MCUR1: variants seen among roughly 807,000 people sequenced by gnomAD.
MCUR1 encodes mitochondrial calcium uniporter regulator 1, also known as MCU regulator 1.
In MCUR1, 37 loss-of-function variants were observed where a neutral mutation model predicts 42.0. That is an observed-to-expected ratio of 0.88 (90% CI 0.68 to 1.16). The LOEUF is 1.16. Ranked by LOEUF, MCUR1 falls within the 50% of genes most tolerant of loss-of-function variation. The probability of loss-of-function intolerance (pLI) is 0.00; values close to 1 mark genes in which losing one functional copy is unlikely to be tolerated. For missense variants in MCUR1, 469 were observed against 468.4 expected (o/e 1.00, Z -0.01); for synonymous variants, 229 against 196.2 (o/e 1.17, Z -1.40).
At chr6:13,801,110 AG>A (rs1430999641) in intron 4 of MCUR1, among the ~76,000 whole-genome samples, 177 bp downstream of exon 4, 2 of 152,212 alleles carry the variant, frequency 1.3e-5, no homozygotes, top group African/African-American at 4.8e-5. Flanking sequence ...AGCAACTGAG[AG>A]GCATGAGAGA....
chr6:13,790,744 C>T lies in MCUR1; in HGVS notation c.*65G>A. ...CTGGAATTACAGGTGTGAGCCACCG[C>T]ACCCAGCCAACAATCTGGTATTCTT... On this transcript the variant is annotated 3_prime_UTR_variant, in exon 9 of 9. Coordinates refer to ENST00000379170, the MANE Select transcript of MCUR1 (RefSeq NM_001031713.4). The T allele has an allele frequency of 7.5e-7, 1 of 1,326,390 alleles. No homozygotes were observed. Among genetic ancestry groups the T allele is most frequent in the South Asian group, 1.2e-5 (1 of 82,378 alleles). The allele number at this position is 1,326,390 out of a possible 1,614,324, so 82.2% of individuals were successfully genotyped here.
chr6:13,801,322 T>G lies in MCUR1; in HGVS notation c.707A>C (p.Lys236Thr). ...NVKKDMIILE[K>T]SEFSALRAEN... The stretch of plus-strand genomic sequence containing the variant: ...TGCTCTGAGGGCTGAAAATTCACTC[T>G]TCTCCAAAATAATCATATCCTTTTT... The change falls in exon 4 of 9, where the codon AAG (lysine) becomes ACG (threonine). Residue 236 changes from lysine to threonine, a missense_variant. Coordinates refer to ENST00000379170, the MANE Select transcript of MCUR1 (RefSeq NM_001031713.4). The G allele has an allele frequency of 6.2e-7, 1 of 1,613,280 alleles. No individual in the cohort carries two copies.
intron 1 of MCUR1, among the ~76,000 whole-genome samples, chr6:13,807,938 T>C (rs1319808934): frequency 6.6e-6 from 1 of 152,160 alleles, no homozygotes; most frequent in Non-Finnish European, 1.5e-5. Flanking sequence ...TTTGGAGAAA[T>C]GTGTATTCAA....
Position 13,801,319 on chromosome 6 carries a change from C to G in MCUR1, c.710G>C (p.Ser237Thr). Residue 237 changes from serine (S) to threonine (T), a missense_variant, in exon 4 of 9, where the codon AGT (serine) becomes ACT (threonine). By Grantham distance (58) the Ser-to-Thr change is moderately conservative. Transcript: ENST00000379170. Reference sequence around the variant, plus strand: ...TTCTGCTCTGAGGGCTGAAAATTCACTCTTCTCCAAAATAATCATATCCTT... The same window carrying G: ...TTCTGCTCTGAGGGCTGAAAATTCAGTCTTCTCCAAAATAATCATATCCTT... ...VKKDMIILEK[S>T]EFSALRAENE... 6.2e-7 allele frequency: 1 copy of G among 1,613,222 alleles called. No individual in the cohort carries two copies. The highest frequency in any genetic ancestry group is 8.5e-7 in the Non-Finnish European group (1 of 1,179,788).
At chr6:13,802,890 T>C (rs535536318) in intron 2 of MCUR1, among the ~76,000 whole-genome samples, 2 of 152,230 alleles carry the variant, frequency 1.3e-5, no homozygotes, top group African/African-American at 4.8e-5. Flanking sequence ...ACTATATAAA[T>C]AGTAATCTAG....
At chr6:13,793,785 A>G (rs1759789814) in intron 7 of MCUR1, 109 bp downstream of exon 7, 6 of 926,310 alleles carry the variant, frequency 6.5e-6, no homozygotes, top group Non-Finnish European at 8.5e-6. Context: ...AAAAATTCCC[A>G]TGACAGTAAA....
intron 8 of MCUR1, 70 bp downstream of exon 8, chr6:13,791,808 T>TC: frequency 1.0e-6 from 1 of 981,356 alleles, no homozygotes; most frequent in Non-Finnish European, 1.5e-6. Flanking sequence ...AAATGCAGTA[T>TC]CTGTCAACGA....
chr6:13,804,253 G>T, intron 2 of MCUR1: 1 of 198,882 alleles, frequency 5.0e-6, no homozygotes, highest in South Asian at 5.9e-5. Flanking sequence ...AAACCGGGAG[G>T]TGGGGGTTGC....
In MCUR1 at chr6:13,787,165, G is replaced by A. The variant is rs1363899701; in HGVS notation, c.*3644C>T. ...AGACAGGCTTGAAAGGAGAAGGCTA[G>A]AAGAGGGAAGATTATGTCACTAAGC... On this transcript the variant is annotated 3_prime_UTR_variant, in exon 9 of 9. Coordinates refer to ENST00000379170, the MANE Select transcript of MCUR1 (RefSeq NM_001031713.4). 6.6e-6 allele frequency: 1 copy of A among 152,196 alleles called. No homozygotes were observed. The highest frequency in any genetic ancestry group is 1.5e-5 in the Non-Finnish European group (1 of 68,050). 9.4% of individuals were successfully genotyped at this position (152,196 alleles called of 1,614,324 possible). A position where few individuals can be genotyped will look rare whatever the true frequency, so the allele number is the denominator to read the frequency against.
At chr6:13,806,661 T>C (rs1197895935) in intron 2 of MCUR1, among the ~76,000 whole-genome samples, 2 of 152,132 alleles carry the variant, frequency 1.3e-5, no homozygotes, top group African/African-American at 4.8e-5. Flanking sequence ...CATGGTGGTG[T>C]GTGCCTGTAG....
At chr6:13,792,784 G>A (rs928325291) in intron 7 of MCUR1, among the ~76,000 whole-genome samples, 53 of 152,072 alleles carry the variant, frequency 3.5e-4, no homozygotes, top group African/African-American at 1.1e-3. Context: ...GCCTGGATGC[G>A]TAAAAAAGTA....
chr6:13,813,857 C>G (rs1169266538), intron 1 of MCUR1, among the ~76,000 whole-genome samples, 158 bp downstream of exon 1: 1 of 152,196 alleles, frequency 6.6e-6, no homozygotes, highest in Non-Finnish European at 1.5e-5. Context: ...AGGGCGGGCC[C>G]GGACCTTCGA....
rs886908535 is a variant in MCUR1 at position 13,789,442 on chromosome 6, C to T, written c.*1367G>A. 1 of 151,802 alleles carries T rather than the reference C, an allele frequency of 6.6e-6. No homozygotes were observed. Among genetic ancestry groups the T allele is most frequent in the Admixed American group, 6.6e-5 (1 of 15,236 alleles). The allele number at this position is 151,802 out of a possible 1,614,324, so 9.4% of individuals were successfully genotyped here. The stretch of plus-strand genomic sequence containing the variant: ...GAGAATGTGCTTTTCCAGAATAACC[C>T]CAGTTGTATCTAGAATTTGTTTTCA... On this transcript the variant is annotated 3_prime_UTR_variant, in exon 9 of 9. Coordinates refer to ENST00000379170, the MANE Select transcript of MCUR1 (RefSeq NM_001031713.4).
intron 2 of MCUR1, chr6:13,804,322 C>CAAAAAAAA (rs747622585): frequency 9.5e-5 from 2 of 21,062 alleles, no homozygotes; most frequent in Non-Finnish European, 1.3e-4. Flanking sequence ...GATTCTGTCT[C>CAAAAAAAA]AAAAAAAAAA....
chr6:13,810,682 T>C (rs866483360), intron 1 of MCUR1, among the ~76,000 whole-genome samples: 2 of 152,066 alleles, frequency 1.3e-5, no homozygotes, highest in African/African-American at 2.4e-5. Flanking sequence ...CCTATGGGAG[T>C]TGTTCCCAGC....
chr6:13,794,631 A>G (rs1009608912), intron 6 of MCUR1, among the ~76,000 whole-genome samples: 16 of 121,848 alleles, frequency 1.3e-4, no homozygotes, highest in African/African-American at 5.7e-4. Context: ...AACTCATCAC[A>G]TGTTGGGTTT....
chr6:13,788,932 C>T lies in MCUR1; in HGVS notation c.*1877G>A, dbSNP rs1477101917. On this transcript the variant is annotated 3_prime_UTR_variant, in exon 9 of 9. Coordinates refer to ENST00000379170, the MANE Select transcript of MCUR1 (RefSeq NM_001031713.4). ...AAGTTTAGACATGACATCCAAAGGA[C>T]AAAAGGTAACTATTTTTTTTACCAA... 1.3e-5 allele frequency: 2 copies of T among 152,112 alleles called. No homozygotes were observed. Among genetic ancestry groups the T allele is most frequent in the East Asian group, 1.9e-4 (1 of 5,198 alleles). The allele number at this position is 152,112 out of a possible 1,614,324, so 9.4% of individuals were successfully genotyped here.
chr6:13,812,181 C>T (rs1405336645), intron 1 of MCUR1, among the ~76,000 whole-genome samples: 1 of 152,120 alleles, frequency 6.6e-6, no homozygotes, highest in Non-Finnish European at 1.5e-5. Context: ...ACAATAGAGG[C>T]CCAAAGGTAG....
chr6:13,813,879 G>T, intron 1 of MCUR1, 136 bp downstream of exon 1: 1 of 953,778 alleles, frequency 1.0e-6, no homozygotes, highest in Non-Finnish European at 1.4e-6. Context: ...CCACGCTCCG[G>T]GCAGATGCCG....
Sources: allele counts gnomAD v4.1 joint callset (sites outside exome capture counted in the v4.1 genomes callset), GRCh38; gene constraint gnomAD v4.1.1; transcripts MANE v1.5; gene names NCBI Gene and HGNC (gene_info 2026-07-23, HGNC 2026-07-21).